CNTNAP5: variants seen among roughly 807,000 people sequenced by gnomAD.
CNTNAP5 encodes the protein contactin-associated protein-like 5.
CNTNAP5 carries 72 observed loss-of-function variants against 150.2 expected under a neutral mutation model. That is an observed-to-expected ratio of 0.48 (90% CI 0.40 to 0.58). The LOEUF is 0.58. Ranked by LOEUF, CNTNAP5 falls within the 20% of genes least tolerant of loss-of-function variation. The pLI, the probability that CNTNAP5 is intolerant of heterozygous loss-of-function variation, is 0.00. For missense variants in CNTNAP5, 1,636 were observed against 1,626.2 expected (o/e 1.01, Z -0.10); for synonymous variants, 672 against 619.8 (o/e 1.08, Z -1.25).
rs13406963 is a variant in CNTNAP5 at position 124,675,001 on chromosome 2, A to G, written c.2077+27043A>G. On this transcript the variant is annotated intron_variant, in intron 13 of 23. Coordinates refer to ENST00000682447, the MANE Select transcript of CNTNAP5 (RefSeq NM_001367498.1). ...ATGTATACTGTTTTTTAAATGTTCTATGTTCTTGATCTTCTGCCTACTTCT... is the reference window on the plus strand; with the variant it reads ...ATGTATACTGTTTTTTAAATGTTCTGTGTTCTTGATCTTCTGCCTACTTCT... Among the ~76,000 whole-genome samples, 265 of 152,046 alleles carry G rather than the reference A, an allele frequency of 1.7e-3. 1 individual carries two copies. Among genetic ancestry groups the G allele is most frequent in the African/African-American group, 6.1e-3 (255 of 41,510 alleles).
chr2:124,887,561 T>C (rs982166485), intron 21 of CNTNAP5, among the ~76,000 whole-genome samples: 4 of 152,154 alleles, frequency 2.6e-5, no homozygotes, highest in African/African-American at 9.6e-5. Flanking sequence ...TGTATGTATG[T>C]ATTATATGCT....
chr2:124,367,097 TG>T (rs1305958887), intron 3 of CNTNAP5, among the ~76,000 whole-genome samples: 1 of 152,160 alleles, frequency 6.6e-6, no homozygotes, highest in Admixed American at 6.5e-5. Flanking sequence ...AAGTTCAGAG[TG>T]ACCCTTAGTC....
chr2:124,128,871 T>G (rs1274420991), intron 1 of CNTNAP5, among the ~76,000 whole-genome samples: 1 of 151,898 alleles, frequency 6.6e-6, no homozygotes, highest in Non-Finnish European at 1.5e-5. Flanking sequence ...TGAGAATACT[T>G]GAACACAGGG....
intron 7 of CNTNAP5, among the ~76,000 whole-genome samples, chr2:124,491,073 G>T (rs1382416785): frequency 3.9e-5 from 6 of 152,014 alleles, no homozygotes; most frequent in African/African-American, 1.4e-4. Context: ...GTGATAATTT[G>T]ATGTATGTAT....
At chr2:124,679,140 G>A (rs1214659937) in intron 13 of CNTNAP5, among the ~76,000 whole-genome samples, 1 of 151,858 alleles carries the variant, frequency 6.6e-6, no homozygotes, top group Non-Finnish European at 1.5e-5. Flanking sequence ...ACAAGGCAGA[G>A]AGGTATGCAG....
At chr2:124,317,220 C>A (rs1688989818) in intron 3 of CNTNAP5, among the ~76,000 whole-genome samples, 1 of 151,944 alleles carries the variant, frequency 6.6e-6, no homozygotes, top group African/African-American at 2.4e-5. Flanking sequence ...ATTTGACAAC[C>A]CAATGAATTA....
intron 1 of CNTNAP5, among the ~76,000 whole-genome samples, chr2:124,219,196 A>G (rs891930148): frequency 8.5e-5 from 13 of 152,146 alleles, no homozygotes; most frequent in Admixed American, 2.6e-4. Flanking sequence ...CTGCTACAAC[A>G]CAATATATGC....
intron 21 of CNTNAP5, among the ~76,000 whole-genome samples, chr2:124,900,414 T>G (rs1430581849): frequency 6.6e-6 from 1 of 151,522 alleles, no homozygotes; most frequent in Non-Finnish European, 1.5e-5. Flanking sequence ...TCGAGCATCA[T>G]GCAGAGCATA....
intron 1 of CNTNAP5, among the ~76,000 whole-genome samples, chr2:124,188,301 C>T (rs1003880565): frequency 6.6e-6 from 1 of 152,128 alleles, no homozygotes; most frequent in Non-Finnish European, 1.5e-5. Context: ...CTTGTGTTTC[C>T]CCAAATATAT....
chr2:124,150,602 G>A (rs1409856839), intron 1 of CNTNAP5, among the ~76,000 whole-genome samples: 1 of 152,136 alleles, frequency 6.6e-6, no homozygotes, highest in Non-Finnish European at 1.5e-5. Flanking sequence ...CCATTTCCTG[G>A]TTTGCAGATG....
At chr2:124,755,562 C>T (rs562815724) in intron 14 of CNTNAP5, among the ~76,000 whole-genome samples, 1 of 152,244 alleles carries the variant, frequency 6.6e-6, no homozygotes, top group South Asian at 2.1e-4. Context: ...TGATGCTGTT[C>T]TCATGTTCCT....
chr2:124,065,353 C>T (rs1326854398), intron 1 of CNTNAP5, among the ~76,000 whole-genome samples: 1 of 152,098 alleles, frequency 6.6e-6, no homozygotes, highest in Non-Finnish European at 1.5e-5. Flanking sequence ...CTGATTCAGA[C>T]CTTGAGCCAT....
chr2:124,676,534 C>T (rs1271712080), intron 13 of CNTNAP5, among the ~76,000 whole-genome samples: 1 of 152,210 alleles, frequency 6.6e-6, no homozygotes, highest in Non-Finnish European at 1.5e-5. Flanking sequence ...AATAGGGCTG[C>T]TCCCATGGAC....
chr2:124,773,764 GGT>G (rs142316769), intron 17 of CNTNAP5, among the ~76,000 whole-genome samples: 30 of 150,312 alleles, frequency 2.0e-4, no homozygotes, highest in African/African-American at 5.1e-4. Context: ...ATAATCCTCT[GGT>G]GTGTGTGTGT....
At chr2:124,090,499 TAA>T (rs964687863) in intron 1 of CNTNAP5, among the ~76,000 whole-genome samples, 2 of 152,182 alleles carry the variant, frequency 1.3e-5, no homozygotes, top group Non-Finnish European at 2.9e-5. Context: ...TTATGTTTTA[TAA>T]GATTCTAAAG....
chr2:124,913,359 T>C (rs1326645191), intron 23 of CNTNAP5, among the ~76,000 whole-genome samples: 1 of 152,052 alleles, frequency 6.6e-6, no homozygotes, highest in Non-Finnish European at 1.5e-5. Context: ...CTGGCAAAGG[T>C]AGGGGTGAGA....
chr2:124,149,327 A>T (rs907043311), intron 1 of CNTNAP5, among the ~76,000 whole-genome samples: 1 of 151,580 alleles, frequency 6.6e-6, no homozygotes, highest in Non-Finnish European at 1.5e-5. Flanking sequence ...TATTATTACA[A>T]AAAAAGGATC....
At chr2:124,825,495 C>T (rs550963528) in intron 19 of CNTNAP5, among the ~76,000 whole-genome samples, 2 of 152,246 alleles carry the variant, frequency 1.3e-5, no homozygotes, top group South Asian at 4.1e-4. Context: ...TATAGAACAC[C>T]TCTTATACTG....
At position 124,915,844 on chromosome 2, in the gene CNTNAP5, G is replaced by T. The variant is rs535661155; in HGVS notation, c.*1556G>T. 2.4e-4 allele frequency among the ~76,000 whole-genome samples: 37 copies of T among 152,170 alleles called. 1 individual carries two copies. The highest frequency in any genetic ancestry group is 2.2e-3 in the Admixed American group (34 of 15,274). On this transcript the variant is annotated 3_prime_UTR_variant, in exon 24 of 24. Transcript: ENST00000682447. ...GGGCCATCTTGGAGAAAAAGGTAAGGAGAAGACAATGTAAATGCTCCAAGA... is the reference window on the plus strand; with the variant it reads ...GGGCCATCTTGGAGAAAAAGGTAAGTAGAAGACAATGTAAATGCTCCAAGA...
Sources: gnomAD v4.1 joint callset for allele counts (sites outside exome capture counted in the v4.1 genomes callset) on GRCh38, gnomAD v4.1.1 for gene constraint, MANE v1.5 for transcripts, NCBI Gene and HGNC (gene_info 2026-07-23, HGNC 2026-07-21) for gene names.